The following NUP98 variants were observed in gnomAD, a reference collection of about 807,000 sequenced individuals.
NUP98 encodes the protein nuclear pore complex protein Nup98-Nup96.
NUP98 carries 26 observed loss-of-function variants against 191.9 expected under a neutral mutation model. That is an observed-to-expected ratio of 0.14 (90% CI 0.10 to 0.19). The LOEUF is 0.19. Among genes scored for constraint, NUP98 ranks in the 10% least tolerant of loss-of-function variants. NUP98 has a pLI of 1.00. For missense variants in NUP98, 1,941 were observed against 2,178.8 expected, an observed-to-expected ratio of 0.89 and a Z score of 2.17; for synonymous variants, 808 against 778.4, an observed-to-expected ratio of 1.04 and a Z score of -0.63.
chr11:3,722,977 T>C (rs1399488004), intron 16 of NUP98, among the ~76,000 whole-genome samples, 180 bp downstream of exon 16: 8 of 152,216 alleles, frequency 5.3e-5, no homozygotes, highest in Non-Finnish European at 5.9e-5. Flanking sequence ...CCAAAGAGTA[T>C]GTGAACTCTG....
chr11:3,777,175 C>T (rs2081762333), intron 4 of NUP98, among the ~76,000 whole-genome samples: 1 of 151,960 alleles, frequency 6.6e-6, no homozygotes, highest in African/African-American at 2.4e-5. Flanking sequence ...AAATTAGCAG[C>T]CACTGTCAAT....
intron 2 of NUP98, 48 bp from the exon 3 acceptor site, chr11:3,779,305 C>G: frequency 6.6e-6 from 9 of 1,354,156 alleles, no homozygotes; most frequent in Non-Finnish European, 9.5e-6. Flanking sequence ...ATAAAATCTA[C>G]GTAAGATGAC....
intron 7 of NUP98, among the ~76,000 whole-genome samples, 170 bp downstream of exon 7, chr11:3,771,578 A>C (rs939175867): frequency 3.3e-5 from 5 of 152,194 alleles, no homozygotes; most frequent in African/African-American, 1.2e-4. Context: ...TCTTCATCTT[A>C]AACTGTCTTT....
chr11:3,788,673 C>T (rs1216460069), intron 1 of NUP98, among the ~76,000 whole-genome samples: 6 of 152,142 alleles, frequency 3.9e-5, no homozygotes, highest in African/African-American at 7.2e-5. Flanking sequence ...AGGCTGGGCA[C>T]GGTGGCTCAC....
Position 3,731,494 on chromosome 11 carries a change from C to T in NUP98, c.1627G>A (p.Val543Ile). 6.2e-7 allele frequency: 1 copy of T among 1,609,224 alleles called. No homozygotes were observed. The highest frequency in any genetic ancestry group is 1.1e-5 in the South Asian group (1 of 89,772). ...GTTGTTTGTAAAGCCTTTGGCCGGACTCTAGTGGCAGGGCGGGGTGTCAGT... is the reference window on the plus strand; with the variant it reads ...GTTGTTTGTAAAGCCTTTGGCCGGATTCTAGTGGCAGGGCGGGGTGTCAGT... ...YKLTPRPATR[V>I]RPKALQTTGT... Residue 543 changes from valine (V) to isoleucine (I), a missense_variant, in exon 14 of 33, where the codon GTC becomes ATC. Physicochemically the swap from Val to Ile is conservative, Grantham distance 29 (BLOSUM62 3). This residue lies in a region of NUP98 where 453 missense variants were observed against 438.2 expected (regional missense o/e 1.03). Transcript: ENST00000324932.
chr11:3,697,254 A>G (rs1160162801), intron 25 of NUP98: 1 of 152,168 alleles, frequency 6.6e-6, no homozygotes, highest in African/African-American at 2.4e-5. Context: ...TATTTAAAAA[A>G]TAAAAAGAAA....
intron 28 of NUP98, among the ~76,000 whole-genome samples, chr11:3,688,425 AAAAT>A (rs1274649403): frequency 3.3e-5 from 5 of 151,570 alleles, no homozygotes; most frequent in Admixed American, 1.3e-4. Context: ...TAATAATAAT[AAAAT>A]AAATAAATAA....
chr11:3,780,885 C>T (rs2081945584), intron 2 of NUP98, among the ~76,000 whole-genome samples: 1 of 151,840 alleles, frequency 6.6e-6, no homozygotes, highest in Non-Finnish European at 1.5e-5. Flanking sequence ...TTTGAGACCA[C>T]CCTGGCCAAC....
At position 3,682,951 on chromosome 11, in the gene NUP98, AAAT is replaced by A. The variant is rs143428849; in HGVS notation, c.4918+246_4918+248del. On this transcript the variant is annotated intron_variant, in intron 30 of 32. Transcript: ENST00000324932. ...AAAATTCCCATAAGTAAACAAATTA[AAAT>A]AATAATAATATTAGCACACATCAAG... Among the ~76,000 whole-genome samples the A allele has an allele frequency of 7.5e-3, 1,140 of 152,312 alleles. 19 individuals carry two copies. Among genetic ancestry groups the A allele is most frequent in the African/African-American group, 0.025 (1,027 of 41,566 alleles).
At position 3,762,930 on chromosome 11, in the gene NUP98, G is replaced by T. The variant is rs1189241484; in HGVS notation, c.1058C>A (p.Thr353Asn). 6.2e-7 allele frequency: 1 copy of T among 1,614,048 alleles called. No homozygotes were observed. Among genetic ancestry groups the T allele is most frequent in the Non-Finnish European group, 8.5e-7 (1 of 1,180,024 alleles). Reference sequence around the variant, plus strand: ...ACCAACAGCACCAAATCCAGTATTGGTCTGCCCAAAGAGACCTGTTCCTGT... The same window carrying T: ...ACCAACAGCACCAAATCCAGTATTGTTCTGCCCAAAGAGACCTGTTCCTGT... ...FGTGTGLFGQTNTGFGAVGST... is the reference protein window; with the variant it reads ...FGTGTGLFGQNNTGFGAVGST... Residue 353 changes from threonine to asparagine, a missense_variant, in exon 9 of 33, where the codon ACC becomes AAC. By Grantham distance (65) the Thr-to-Asn change is moderately conservative. Coordinates refer to ENST00000324932, the MANE Select transcript of NUP98 (RefSeq NM_016320.5).
At chr11:3,729,784 GGTC>G (rs2079773391) in intron 14 of NUP98, among the ~76,000 whole-genome samples, 1 of 147,844 alleles carries the variant, frequency 6.8e-6, no homozygotes, top group South Asian at 2.1e-4. Flanking sequence ...AGGCCAAGGA[GGTC>G]AGATGGTATT....
intron 14 of NUP98, among the ~76,000 whole-genome samples, chr11:3,729,972 T>G (rs2079780661): frequency 6.6e-6 from 1 of 152,104 alleles, no homozygotes; most frequent in Non-Finnish European, 1.5e-5. Context: ...CGGGGCACAG[T>G]GGCTCACACC....
intron 20 of NUP98, among the ~76,000 whole-genome samples, chr11:3,710,574 T>A (rs937884046): frequency 6.6e-6 from 1 of 152,166 alleles, no homozygotes; most frequent in Non-Finnish European, 1.5e-5. Context: ...AGTTTTGCAA[T>A]CAACCTCTTT....
At chr11:3,714,027 T>TA in intron 18 of NUP98, 32 bp from the exon 19 acceptor site, 1 of 1,606,712 alleles carries the variant, frequency 6.2e-7, no homozygotes, top group Non-Finnish European at 8.5e-7. Context: ...AGTAACCAAT[T>TA]AAAGTAAAAG....
intron 14 of NUP98, among the ~76,000 whole-genome samples, chr11:3,730,454 T>C (rs1021899290): frequency 1.3e-5 from 2 of 151,720 alleles, no homozygotes; most frequent in Non-Finnish European, 2.9e-5. Flanking sequence ...CCTCCCCAGT[T>C]CAAGAGATTC....
intron 10 of NUP98, among the ~76,000 whole-genome samples, chr11:3,759,157 C>CT (rs777868695): frequency 2.0e-4 from 31 of 152,186 alleles, no homozygotes; most frequent in Non-Finnish European, 2.4e-4. Flanking sequence ...TAAAAAGAAT[C>CT]TATCAGTGCC....
At chr11:3,686,497 C>T (rs1320113856) in intron 28 of NUP98, among the ~76,000 whole-genome samples, 1 of 152,150 alleles carries the variant, frequency 6.6e-6, no homozygotes, top group Non-Finnish European at 1.5e-5. Context: ...CTCACCCTTC[C>T]ATTCCTTCAT....
At chr11:3,758,492 G>T (rs984504430) in intron 10 of NUP98, among the ~76,000 whole-genome samples, 17 of 151,310 alleles carry the variant, frequency 1.1e-4, no homozygotes, top group African/African-American at 3.9e-4. Flanking sequence ...TTATAGGAAA[G>T]AAATAAGTAG....
At chr11:3,792,677 A>G (rs1305206314) in intron 1 of NUP98, among the ~76,000 whole-genome samples, 1 of 152,148 alleles carries the variant, frequency 6.6e-6, no homozygotes, top group African/African-American at 2.4e-5. Context: ...CAGTAAATCA[A>G]TAATTTCAAA....
Sources: allele counts gnomAD v4.1 joint callset (sites outside exome capture counted in the v4.1 genomes callset), GRCh38; gene constraint gnomAD v4.1.1; regional missense constraint gnomAD v4.1.1; transcripts MANE v1.5; gene names NCBI Gene and HGNC (gene_info 2026-07-23, HGNC 2026-07-21).